IAPP: variants seen among roughly 807,000 people sequenced by gnomAD.
IAPP encodes the protein islet amyloid polypeptide.
In IAPP, 4 loss-of-function variants were observed where a neutral mutation model predicts 2.9. The ratio of observed to expected loss-of-function variants is 1.39; its 90% CI spans 0.69 to 3.19. The LOEUF (loss-of-function observed/expected upper bound fraction) is 3.19, where lower values mean the gene tolerates loss of function less well. Ranked by LOEUF, IAPP falls within the 30% of genes most tolerant of loss-of-function variation. IAPP has a pLI of 0.01. For synonymous variants in IAPP, 40 were observed against 42.1 expected (o/e 0.95, Z 0.19); for missense variants, 114 against 105.3 (o/e 1.08, Z -0.36).
chr12:21,358,741 G>A (rs901384592), intron 1 of IAPP, among the ~76,000 whole-genome samples: 14 of 139,772 alleles, frequency 1.0e-4, no homozygotes, highest in African/African-American at 3.8e-4. Flanking sequence ...AATAAAAAGC[G>A]GTTTGTTGGA....
At chr12:21,375,864 T>C (rs553276445) in intron 2 of IAPP, among the ~76,000 whole-genome samples, 1 of 152,346 alleles carries the variant, frequency 6.6e-6, no homozygotes, top group African/African-American at 2.4e-5. Context: ...AGCTTTAATG[T>C]TTGTTACTAG....
At chr12:21,365,896 A>G (rs1049082710) in intron 1 of IAPP, among the ~76,000 whole-genome samples, 54 of 152,178 alleles carry the variant, frequency 3.5e-4, no homozygotes, top group Admixed American at 1.0e-3. Context: ...AAGTCAGGAA[A>G]CAACAGGTGC....
intron 1 of IAPP, among the ~76,000 whole-genome samples, chr12:21,365,787 C>T (rs1939327980): frequency 6.6e-6 from 1 of 152,190 alleles, no homozygotes; most frequent in Admixed American, 6.5e-5. Context: ...AGCCAACAGA[C>T]ACATGAAAAA....
intron 2 of IAPP, among the ~76,000 whole-genome samples, chr12:21,375,731 C>T (rs768826696): frequency 2.6e-5 from 4 of 152,206 alleles, no homozygotes; most frequent in Non-Finnish European, 4.4e-5. Context: ...ATTTTGAAAA[C>T]TCTGGAGAGA....
At chr12:21,368,826 T>C (rs1250866680), upstream of IAPP, among the ~76,000 whole-genome samples, 3 of 152,120 alleles carry the variant, frequency 2.0e-5, no homozygotes, top group Non-Finnish European at 4.4e-5. Flanking sequence ...ATTCAAAAAA[T>C]TTATTAAACT....
chr12:21,355,565 A>G (rs563553272), intron 1 of IAPP, among the ~76,000 whole-genome samples: 146 of 152,222 alleles, frequency 9.6e-4, no homozygotes, highest in African/African-American at 3.4e-3. Context: ...TGAGTTTCCT[A>G]TATTACCCTT....
At chr12:21,360,672 C>T (rs574803669) in intron 1 of IAPP, among the ~76,000 whole-genome samples, 26 of 152,278 alleles carry the variant, frequency 1.7e-4, no homozygotes, top group African/African-American at 2.4e-5. Context: ...CCTGGAAAAT[C>T]GGGACACTCC....
At chr12:21,370,106 T>C (rs1939668515), upstream of IAPP, among the ~76,000 whole-genome samples, 1 of 152,146 alleles carries the variant, frequency 6.6e-6, no homozygotes, top group African/African-American at 2.4e-5. Flanking sequence ...AAAAAACAAA[T>C]ATCCTGGATC....
At chr12:21,358,203 C>T (rs1175025523) in intron 1 of IAPP, among the ~76,000 whole-genome samples, 2 of 152,134 alleles carry the variant, frequency 1.3e-5, no homozygotes, top group African/African-American at 4.8e-5. Flanking sequence ...CTAGATTGTT[C>T]TCTGGCAAAG....
rs1257305589 is a variant in IAPP, at chr12:21,379,319, G to A, written c.*893G>A. The A allele has an allele frequency of 1.3e-5, 2 of 152,140 alleles. No homozygotes were observed. The highest frequency in any genetic ancestry group is 2.9e-5 in the Non-Finnish European group (2 of 68,026). 9.4% of individuals were successfully genotyped at this position (152,140 alleles called of 1,614,324 possible). A position where few individuals can be genotyped will look rare whatever the true frequency, so the allele number is the denominator to read the frequency against. Reference sequence around the variant, plus strand: ...ATAAAACTGCTTTGTATCCATGAGGGTTTCATTGTGTGTTAGCAGCAGTGA... The same window carrying A: ...ATAAAACTGCTTTGTATCCATGAGGATTTCATTGTGTGTTAGCAGCAGTGA... On this transcript the variant is annotated 3_prime_UTR_variant, in exon 3 of 3. Coordinates refer to ENST00000240652, the MANE Select transcript of IAPP (RefSeq NM_000415.3).
At chr12:21,359,491 A>G (rs1591878186) in intron 1 of IAPP, among the ~76,000 whole-genome samples, 2 of 152,280 alleles carry the variant, frequency 1.3e-5, no homozygotes, top group East Asian at 1.9e-4. Context: ...CCTTCTTCCT[A>G]CCCAATAACC....
At chr12:21,362,609 T>G (rs1939006726) in intron 1 of IAPP, among the ~76,000 whole-genome samples, 2 of 151,956 alleles carry the variant, frequency 1.3e-5, no homozygotes, top group African/African-American at 2.4e-5. Context: ...ACTGGCAAAT[T>G]GGATAAAGAG....
At position 21,373,382 on chromosome 12, in the gene IAPP, A is replaced by G. The variant is rs773946611; in HGVS notation, c.31A>G (p.Ile11Val). The G allele has an allele frequency of 3.1e-6, 5 of 1,613,636 alleles. No homozygotes were observed. Among genetic ancestry groups the G allele is most frequent in the Non-Finnish European group, 4.2e-6 (5 of 1,179,652 alleles). ...CATCCTGAAGCTGCAAGTATTTCTC[A>G]TTGTGCTCTCTGTTGCATTGAACCA... MGILKLQVFL[I>V]VLSVALNHLK... is the part of the protein sequence containing the mutation. The change falls in exon 2 of 3, where the codon ATT (isoleucine) becomes GTT (valine). Residue 11 changes from isoleucine to valine, a missense_variant. Ile to Val is a conservative substitution (Grantham distance 29). Coordinates refer to ENST00000240652, the MANE Select transcript of IAPP (RefSeq NM_000415.3).
chr12:21,355,573 C>G (rs973918692), intron 1 of IAPP, among the ~76,000 whole-genome samples: 4 of 152,136 alleles, frequency 2.6e-5, no homozygotes, highest in African/African-American at 9.7e-5. Flanking sequence ...CTATATTACC[C>G]TTAATCCCCC....
At chr12:21,374,489 G>C (rs1321816944) in intron 2 of IAPP, 2 of 152,046 alleles carry the variant, frequency 1.3e-5, no homozygotes, top group Non-Finnish European at 1.5e-5. Flanking sequence ...AGTTTTTCTT[G>C]GAAGCCCATA....
chr12:21,372,935 G>C lies in IAPP; in HGVS notation c.-85G>C, dbSNP rs1447698993. 1 of 236,554 alleles carries C rather than the reference G, an allele frequency of 4.2e-6. No individual in the cohort carries two copies. Among genetic ancestry groups the C allele is most frequent in the African/African-American group, 2.4e-5 (1 of 42,358 alleles). The allele number at this position is 236,554 out of a possible 1,614,324, so 14.7% of individuals were successfully genotyped here. ...AAATATTCCAGTGGATACAAGCTTGGACTCTTTTCTTGAAGCTTTCTTTCT... is the reference window on the plus strand; with the variant it reads ...AAATATTCCAGTGGATACAAGCTTGCACTCTTTTCTTGAAGCTTTCTTTCT... On this transcript the variant is annotated 5_prime_UTR_variant, in exon 1 of 3. Transcript: ENST00000240652.
intron 2 of IAPP, among the ~76,000 whole-genome samples, chr12:21,376,777 C>T (rs1940226584): frequency 6.6e-6 from 1 of 151,916 alleles, no homozygotes; most frequent in South Asian, 2.1e-4. Context: ...GAGATAAATC[C>T]ATTGCATTTG....
chr12:21,369,911 G>T (rs997429685), upstream of IAPP, among the ~76,000 whole-genome samples: 2 of 152,156 alleles, frequency 1.3e-5, no homozygotes, highest in African/African-American at 2.4e-5. Flanking sequence ...GCTACAGGGA[G>T]CATGTAAACT....
At chr12:21,368,903 C>A (rs778029905), upstream of IAPP, among the ~76,000 whole-genome samples, 4 of 151,888 alleles carry the variant, frequency 2.6e-5, no homozygotes, top group Non-Finnish European at 5.9e-5. Context: ...TATGGGATAT[C>A]AACATATAAA....
Sources: gnomAD v4.1 joint callset for allele counts (sites outside exome capture counted in the v4.1 genomes callset) on GRCh38, gnomAD v4.1.1 for gene constraint, MANE v1.5 for transcripts, NCBI Gene and HGNC (gene_info 2026-07-23, HGNC 2026-07-21) for gene names.